Variants in CSMD1 observed in about 807,000 individuals in gnomAD.
CSMD1 encodes the protein CUB and Sushi multiple domains 1.
In CSMD1, 213 loss-of-function variants were observed where a neutral mutation model predicts 417.5. That is an observed-to-expected ratio of 0.51 (90% CI 0.46 to 0.57). The LOEUF (loss-of-function observed/expected upper bound fraction) is 0.57, where lower values mean the gene tolerates loss of function less well. Among genes scored for constraint, CSMD1 ranks in the 20% least tolerant of loss-of-function variants. CSMD1 has a pLI of 0.00. For missense variants in CSMD1, 6,923 were observed against 4,529.7 expected (o/e 1.53, Z -15.17); for synonymous variants, 2,862 against 1,736.8 (o/e 1.65, Z -16.11).
At chr8:4,114,007 C>A (rs1015262548) in intron 3 of CSMD1, among the ~76,000 whole-genome samples, 1 of 152,190 alleles carries the variant, frequency 6.6e-6, no homozygotes, top group Admixed American at 6.5e-5. Flanking sequence ...GAAGCTGCAG[C>A]ACGTTCTCCA....
chr8:4,156,669 T>A (rs79036635), intron 3 of CSMD1, among the ~76,000 whole-genome samples: 1,751 of 152,230 alleles, frequency 0.012, 19 homozygotes, highest in Middle Eastern at 0.071. Context: ...GCTTGTGATT[T>A]AAGATAATTT....
At chr8:4,586,633 A>G (rs1799714042) in intron 2 of CSMD1, among the ~76,000 whole-genome samples, 1 of 152,186 alleles carries the variant, frequency 6.6e-6, no homozygotes, top group African/African-American at 2.4e-5. Flanking sequence ...TCAGTAATTT[A>G]TATCATAAAA....
chr8:4,450,203 C>T (rs759685565), intron 2 of CSMD1, among the ~76,000 whole-genome samples: 3 of 152,174 alleles, frequency 2.0e-5, no homozygotes, highest in Non-Finnish European at 4.4e-5. Context: ...ATTGAAGTTA[C>T]AGAGTACCTA....
intron 7 of CSMD1, among the ~76,000 whole-genome samples, chr8:3,708,164 G>C (rs1801285445): frequency 6.6e-6 from 1 of 152,174 alleles, no homozygotes; most frequent in South Asian, 2.1e-4. Context: ...GAGACATCTG[G>C]AGGGTCCAGT....
chr8:3,915,775 C>G (rs923740259), intron 5 of CSMD1, among the ~76,000 whole-genome samples: 1 of 148,438 alleles, frequency 6.7e-6, no homozygotes, highest in African/African-American at 2.5e-5. Flanking sequence ...GCATCTGTTC[C>G]TAAAATTTTC....
chr8:3,767,578 T>C (rs987049887), intron 5 of CSMD1, among the ~76,000 whole-genome samples: 49 of 152,216 alleles, frequency 3.2e-4, no homozygotes, highest in African/African-American at 1.2e-3. Flanking sequence ...CTTATCCAAA[T>C]ACGAGTGTGT....
chr8:3,866,892 A>G (rs142577371), intron 5 of CSMD1, among the ~76,000 whole-genome samples: 7 of 152,296 alleles, frequency 4.6e-5, no homozygotes, highest in African/African-American at 1.7e-4. Flanking sequence ...CTCCTGCAAG[A>G]CATGGTGATG....
intron 5 of CSMD1, among the ~76,000 whole-genome samples, chr8:3,936,742 C>A (rs1326124775): frequency 2.0e-5 from 3 of 152,168 alleles, no homozygotes; most frequent in Non-Finnish European, 4.4e-5. Context: ...GTTAACACAA[C>A]ATCCATTCTG....
chr8:3,930,971 C>G (rs1021039709), intron 5 of CSMD1, among the ~76,000 whole-genome samples: 1 of 150,514 alleles, frequency 6.6e-6, no homozygotes, highest in Non-Finnish European at 1.5e-5. Flanking sequence ...AGCAAAAACG[C>G]CCTGTGGAAT....
intron 3 of CSMD1, among the ~76,000 whole-genome samples, chr8:4,235,913 T>A (rs760939496): frequency 2.3e-4 from 35 of 152,170 alleles, no homozygotes; most frequent in Non-Finnish European, 4.7e-4. Context: ...AGCCGCAGCT[T>A]CCGCCAACAA....
intron 3 of CSMD1, among the ~76,000 whole-genome samples, chr8:4,289,581 C>T (rs1436334924): frequency 6.6e-6 from 1 of 152,078 alleles, no homozygotes; most frequent in Non-Finnish European, 1.5e-5. Flanking sequence ...ACATTTTGTC[C>T]AGGTCTGGCA....
At chr8:3,686,283 C>G (rs1359250106) in intron 7 of CSMD1, among the ~76,000 whole-genome samples, 1 of 152,106 alleles carries the variant, frequency 6.6e-6, no homozygotes, top group East Asian at 1.9e-4. Context: ...AAGGCAGTGT[C>G]AAGAGACGTG....
intron 3 of CSMD1, among the ~76,000 whole-genome samples, chr8:4,413,653 C>G (rs989343468): frequency 1.3e-5 from 2 of 152,176 alleles, no homozygotes; most frequent in Non-Finnish European, 1.5e-5. Context: ...ACTATACACG[C>G]AATGGTGTAC....
At chr8:4,148,760 T>C (rs574088461) in intron 3 of CSMD1, among the ~76,000 whole-genome samples, 1 of 152,168 alleles carries the variant, frequency 6.6e-6, no homozygotes, top group Middle Eastern at 3.4e-3. Context: ...CACATCCTAA[T>C]GCCATCACCC....
chr8:3,317,102 G>A (rs1246416391), intron 23 of CSMD1, among the ~76,000 whole-genome samples: 1 of 152,106 alleles, frequency 6.6e-6, no homozygotes, highest in African/African-American at 2.4e-5. Context: ...ATGAAGAGAG[G>A]ACACCAGAGA....
intron 26 of CSMD1, among the ~76,000 whole-genome samples, chr8:3,269,811 C>A (rs925885136): frequency 6.6e-6 from 1 of 152,146 alleles, no homozygotes; most frequent in Non-Finnish European, 1.5e-5. Flanking sequence ...CAGTTCATGT[C>A]CTTCTGTTTT....
intron 33 of CSMD1, 79 bp downstream of exon 33, chr8:3,199,635 G>A (rs1268909785): frequency 1.3e-6 from 1 of 778,338 alleles, no homozygotes; most frequent in Non-Finnish European, 1.9e-6. Flanking sequence ...TGTTTTGAGT[G>A]CTTTGTCTGA....
At chr8:4,014,831 T>C (rs1224053274) in intron 4 of CSMD1, among the ~76,000 whole-genome samples, 1 of 152,184 alleles carries the variant, frequency 6.6e-6, no homozygotes, top group East Asian at 1.9e-4. Context: ...TAACATGGTA[T>C]CTGCATGGAA....
chr8:4,424,645 T>G (rs1306796147), intron 2 of CSMD1, among the ~76,000 whole-genome samples: 1 of 152,094 alleles, frequency 6.6e-6, no homozygotes, highest in African/African-American at 2.4e-5. Flanking sequence ...AACAGAAAAC[T>G]TCCGAAGAAG....
Sources: gnomAD v4.1 joint callset for allele counts (sites outside exome capture counted in the v4.1 genomes callset) on GRCh38, gnomAD v4.1.1 for gene constraint, MANE v1.5 for transcripts, NCBI Gene and HGNC (gene_info 2026-07-23, HGNC 2026-07-21) for gene names.